The following MAN1A1 variants were observed in gnomAD, a reference collection of about 807,000 sequenced individuals.
MAN1A1 encodes the protein mannosidase alpha class 1A member 1.
A neutral mutation model predicts 70.8 loss-of-function variants in MAN1A1; 29 were observed. The observed-to-expected ratio is 0.41, with a 90% CI of 0.31 to 0.56. The LOEUF (loss-of-function observed/expected upper bound fraction) is 0.56. Among genes scored for constraint, MAN1A1 ranks in the 20% least tolerant of loss-of-function variants. The probability of loss-of-function intolerance (pLI) is 0.29; values close to 1 mark genes in which losing one functional copy is unlikely to be tolerated. For synonymous variants in MAN1A1, 349 were observed against 330.1 expected, an observed-to-expected ratio of 1.06 and a Z score of -0.62; for missense variants, 747 against 841.3, an observed-to-expected ratio of 0.89 and a Z score of 1.39.
At chr6:119,273,653 G>A (rs1213562270) in intron 5 of MAN1A1, among the ~76,000 whole-genome samples, 3 of 152,084 alleles carry the variant, frequency 2.0e-5, no homozygotes, top group Non-Finnish European at 4.4e-5. Flanking sequence ...GAGCTAAAAG[G>A]ATCTACTCAT....
At chr6:119,313,068 G>A (rs1224651941) in intron 2 of MAN1A1, among the ~76,000 whole-genome samples, 1 of 152,068 alleles carries the variant, frequency 6.6e-6, no homozygotes, top group East Asian at 1.9e-4. Context: ...AACTTAGGAA[G>A]GAAGTTCTCC....
intron 8 of MAN1A1, among the ~76,000 whole-genome samples, chr6:119,200,671 G>A (rs1379477608): frequency 1.3e-5 from 2 of 152,146 alleles, no homozygotes; most frequent in Admixed American, 1.3e-4. Flanking sequence ...AAAATCGTCT[G>A]AAGAGTCTTA....
chr6:119,217,666 A>T (rs1439689622), intron 6 of MAN1A1, among the ~76,000 whole-genome samples: 1 of 152,170 alleles, frequency 6.6e-6, no homozygotes, highest in East Asian at 1.9e-4. Flanking sequence ...CTTTATAATT[A>T]AAAAAATTTA....
At chr6:119,322,261 T>C (rs888855791) in intron 2 of MAN1A1, among the ~76,000 whole-genome samples, 1 of 152,208 alleles carries the variant, frequency 6.6e-6, no homozygotes, top group Non-Finnish European at 1.5e-5. Flanking sequence ...TGTGATGATC[T>C]TATCCACATT....
At chr6:119,288,723 C>A (rs1481111102) in intron 5 of MAN1A1, among the ~76,000 whole-genome samples, 1 of 151,676 alleles carries the variant, frequency 6.6e-6, no homozygotes, top group Admixed American at 6.6e-5. Context: ...TAAAAAGATA[C>A]TGAAAATAAT....
chr6:119,188,110 T>C (rs1773342390), intron 11 of MAN1A1, among the ~76,000 whole-genome samples: 1 of 152,232 alleles, frequency 6.6e-6, no homozygotes, highest in African/African-American at 2.4e-5. Flanking sequence ...TTAGGTGGAA[T>C]TAAGAGATCA....
intron 6 of MAN1A1, among the ~76,000 whole-genome samples, chr6:119,224,838 T>C (rs1416732502): frequency 2.0e-5 from 3 of 152,086 alleles, no homozygotes; most frequent in Non-Finnish European, 4.4e-5. Context: ...TAAAAATAAT[T>C]GTATCTGGGG....
At chr6:119,263,389 A>G (rs1775664507) in intron 5 of MAN1A1, among the ~76,000 whole-genome samples, 1 of 152,156 alleles carries the variant, frequency 6.6e-6, no homozygotes, top group South Asian at 2.1e-4. Context: ...TCCTAAGCAA[A>G]CTAACACAGG....
chr6:119,225,407 CAG>C (rs1465389565), intron 6 of MAN1A1, among the ~76,000 whole-genome samples: 1 of 130,384 alleles, frequency 7.7e-6, no homozygotes, highest in African/African-American at 2.9e-5. Flanking sequence ...GAGAGAGAGA[CAG>C]AGAGAGAAAG....
intron 2 of MAN1A1, among the ~76,000 whole-genome samples, chr6:119,322,959 C>T (rs975713436): frequency 1.3e-5 from 2 of 152,206 alleles, no homozygotes; most frequent in African/African-American, 4.8e-5. Flanking sequence ...TTCTAATACC[C>T]TGACATCACA....
chr6:119,255,465 A>C (rs1775432966), intron 5 of MAN1A1, among the ~76,000 whole-genome samples: 1 of 152,232 alleles, frequency 6.6e-6, no homozygotes. Flanking sequence ...ATGGGCCAAA[A>C]TCAATCACTA....
At chr6:119,251,969 G>A (rs762592548) in intron 5 of MAN1A1, among the ~76,000 whole-genome samples, 6 of 152,144 alleles carry the variant, frequency 3.9e-5, no homozygotes, top group Non-Finnish European at 8.8e-5. Context: ...ATGTCCCCTC[G>A]AGAGGTCTTT....
rs554748960 is a variant in MAN1A1 at position 119,187,094 on chromosome 6, C to T, written c.1719+1311G>A. Among the ~76,000 whole-genome samples, 341 of 152,328 alleles carry T rather than the reference C, an allele frequency of 2.2e-3. 4 individuals carry two copies. The highest frequency in any genetic ancestry group is 8.1e-3 in the African/African-American group (336 of 41,572). On this transcript the variant is annotated intron_variant, in intron 11 of 12. Transcript: ENST00000368468. Reference sequence around the variant, plus strand: ...CTGTCTACCTGGCAATACGAATTTGCTTACTTCCCATTTTTGATACCTTCT... The same window carrying T: ...CTGTCTACCTGGCAATACGAATTTGTTTACTTCCCATTTTTGATACCTTCT...
intron 8 of MAN1A1, among the ~76,000 whole-genome samples, chr6:119,197,653 A>C (rs2114941153): frequency 6.6e-6 from 1 of 152,324 alleles, no homozygotes; most frequent in Middle Eastern, 3.4e-3. Flanking sequence ...GGGAGGGCTA[A>C]GGAAATGGCA....
At chr6:119,316,362 C>T (rs1407975606) in intron 2 of MAN1A1, among the ~76,000 whole-genome samples, 3 of 151,842 alleles carry the variant, frequency 2.0e-5, no homozygotes, top group Admixed American at 6.6e-5. Context: ...GACGGGGTTT[C>T]GCCATGTTAG....
intron 4 of MAN1A1, among the ~76,000 whole-genome samples, chr6:119,294,756 CAAAG>C (rs991529980): frequency 1.3e-5 from 2 of 151,994 alleles, no homozygotes; most frequent in African/African-American, 4.8e-5. Context: ...ACCACTTAAT[CAAAG>C]AACACACTGA....
In MAN1A1 at chr6:119,348,959, AG is replaced by A; in HGVS notation, c.106del (p.Leu36SerfsTer3). The A allele has an allele frequency of 6.6e-7, 1 of 1,524,910 alleles. No individual in the cohort carries two copies. The highest frequency in any genetic ancestry group is 8.8e-7 in the Non-Finnish European group (1 of 1,135,514). 94.5% of individuals were successfully genotyped at this position (1,524,910 alleles called of 1,614,324 possible). A position where few individuals can be genotyped will look rare whatever the true frequency, so the allele number is the denominator to read the frequency against. ...CAGCACGAACTTCTCCGTCAGGCGG[AG>A]GGCGGCGGGGCCCGACCCCTTCCTG... ...GGRKGSGPAA[L>X]RLTEKFVLLL... On this transcript the variant is annotated frameshift_variant, in exon 2 of 13. Coordinates refer to ENST00000368468, the MANE Select transcript of MAN1A1 (RefSeq NM_005907.4). LOFTEE classifies it high-confidence loss of function.
intron 3 of MAN1A1, among the ~76,000 whole-genome samples, chr6:119,303,448 T>C (rs1772447671): frequency 6.6e-6 from 1 of 152,246 alleles, no homozygotes; most frequent in South Asian, 2.1e-4. Context: ...TGTTTTTCTT[T>C]GTCCTTTCTT....
chr6:119,203,640 C>T (rs1773777003), intron 7 of MAN1A1, among the ~76,000 whole-genome samples: 2 of 151,778 alleles, frequency 1.3e-5, no homozygotes, highest in South Asian at 4.2e-4. Flanking sequence ...AGTGAGACAC[C>T]CAAAGGATTT....
Sources: gnomAD v4.1 joint callset for allele counts (sites outside exome capture counted in the v4.1 genomes callset) on GRCh38, gnomAD v4.1.1 for gene constraint, MANE v1.5 for transcripts, NCBI Gene and HGNC (gene_info 2026-07-23, HGNC 2026-07-21) for gene names.